The following SEPTIN9 variants were observed in gnomAD, a reference collection of about 807,000 sequenced individuals.
The protein encoded by SEPTIN9 is septin-9.
A neutral mutation model predicts 56.6 loss-of-function variants in SEPTIN9; 13 were observed. The observed-to-expected ratio is 0.23, with a 90% confidence interval of 0.15 to 0.37. SEPTIN9 has a LOEUF of 0.37. SEPTIN9 is among the 10% of genes least tolerant of loss of function. The pLI, the probability that SEPTIN9 is intolerant of heterozygous loss-of-function variation, is 1.00. For synonymous variants in SEPTIN9, 332 were observed against 334.1 expected (o/e 0.99, Z 0.07); for missense variants, 650 against 823.1 (o/e 0.79, Z 2.57).
At position 77,319,872 on chromosome 17, in the gene SEPTIN9, G is replaced by T. The variant is rs758171775; in HGVS notation, c.76+12675G>T. On this transcript the variant is annotated intron_variant, in intron 2 of 11. Coordinates refer to ENST00000427177, the MANE Select transcript of SEPTIN9 (RefSeq NM_001113491.2). This position sits in a 1 kb window ranked among gnomAD's most constrained non-coding sequence, Gnocchi z 5.3. ...ATATTAAAAAGGAGCAGCAAGCCTC[G>T]GGGCGGCGGGGGCTGGAGGAGGTGG... is the stretch of plus-strand genomic sequence containing the variant. 1.7e-5 allele frequency: 19 copies of T among 1,094,718 alleles called. No homozygotes were observed. The highest frequency in any genetic ancestry group is 2.1e-5 in the Non-Finnish European group (19 of 897,272). The allele number at this position is 1,094,718 out of a possible 1,614,324, so 67.8% of individuals were successfully genotyped here.
At chr17:77,353,813 A>C (rs2034135896) in intron 2 of SEPTIN9, among the ~76,000 whole-genome samples, 1 of 152,176 alleles carries the variant, frequency 6.6e-6, no homozygotes, top group Non-Finnish European at 1.5e-5. Context: ...ATCTTAATGA[A>C]ACACTGTGTC....
intron 1 of SEPTIN9, among the ~76,000 whole-genome samples, chr17:77,303,608 G>A (rs1193023024): frequency 6.6e-6 from 1 of 151,802 alleles, no homozygotes; most frequent in Non-Finnish European, 1.5e-5. Context: ...AGCTACTTGG[G>A]AGGCGGAGGT....
In SEPTIN9 at chr17:77,421,081, G is replaced by C. The variant is rs946010593; in HGVS notation, c.721+18378G>C. Among the ~76,000 whole-genome samples the C allele has an allele frequency of 6.6e-6, 1 of 152,202 alleles. No homozygotes were observed. Among genetic ancestry groups the C allele is most frequent in the South Asian group, 2.1e-4 (1 of 4,828 alleles). ...GTCGGGGTAGGGGTGGAGCTCTGCC[G>C]TCGCTGACTCCCGGGCTACCTGGAG... On this transcript the variant is annotated intron_variant, in intron 3 of 11. Coordinates refer to ENST00000427177, the MANE Select transcript of SEPTIN9 (RefSeq NM_001113491.2). The surrounding 1 kb of genome is among the most constrained non-coding windows in gnomAD (Gnocchi z 4.6).
chr17:77,281,679 T>G, intron 1 of SEPTIN9, 125 bp downstream of exon 1: 2 of 946,842 alleles, frequency 2.1e-6, no homozygotes, highest in East Asian at 3.1e-5. Context: ...GCGGGCACAC[T>G]GCAGGTCGAG....
At chr17:77,392,431 G>T (rs2144041853) in intron 2 of SEPTIN9, among the ~76,000 whole-genome samples, 1 of 152,342 alleles carries the variant, frequency 6.6e-6, no homozygotes, top group Middle Eastern at 3.4e-3. Flanking sequence ...GGGGTTAGTG[G>T]AAATGGTTCT....
At position 77,459,691 on chromosome 17, in the gene SEPTIN9, C is replaced by T. The variant is rs118111461; in HGVS notation, c.722-22453C>T. On this transcript the variant is annotated intron_variant, in intron 3 of 11. Transcript: ENST00000427177. ...AAGGGGGAGCTGGCACGTCACATGG[C>T]GAGAGAGAGAACTCCCAGACTCTTT... Among the ~76,000 whole-genome samples the T allele has an allele frequency of 3.5e-3, 523 of 151,242 alleles. 7 individuals are homozygous for T. The highest frequency in any genetic ancestry group is 0.017 in the East Asian group (88 of 5,166).
At chr17:77,497,283 G>A (rs563516707) in intron 10 of SEPTIN9, 32 bp from the exon 11 acceptor site, 1 of 1,607,072 alleles carries the variant, frequency 6.2e-7, no homozygotes, top group African/African-American at 1.3e-5. Flanking sequence ...TCTCCACTGG[G>A]ACATTAAAGC....
In SEPTIN9 at chr17:77,405,200, A is replaced by G. The variant is rs1032226079; in HGVS notation, c.721+2497A>G. The G allele has an allele frequency of 2.2e-5, 31 of 1,432,182 alleles. No homozygotes were observed. The highest frequency in any genetic ancestry group is 2.7e-5 in the Non-Finnish European group (28 of 1,056,064). 88.7% of individuals were successfully genotyped at this position (1,432,182 alleles called of 1,614,324 possible). A position where few individuals can be genotyped will look rare whatever the true frequency, so the allele number is the denominator to read the frequency against. On this transcript the variant is annotated intron_variant, in intron 3 of 11. Coordinates refer to ENST00000427177, the MANE Select transcript of SEPTIN9 (RefSeq NM_001113491.2). This position sits in a 1 kb window ranked among gnomAD's most constrained non-coding sequence, Gnocchi z 5.8. ...TCTCCTCCAGGGGCAGACACAGTTT[A>G]GCCCCTAAATTGTGCCAGAGACTGT...
intron 2 of SEPTIN9, among the ~76,000 whole-genome samples, chr17:77,379,801 C>G (rs900006471): frequency 6.6e-6 from 1 of 152,082 alleles, no homozygotes; most frequent in Non-Finnish European, 1.5e-5. Flanking sequence ...CCTCCCCCGA[C>G]TTTTTCTTTT....
At position 77,499,437 on chromosome 17, in the gene SEPTIN9, G is replaced by A. The variant is rs777916912; in HGVS notation, c.*779G>A. The A allele has an allele frequency of 3.7e-6, 2 of 536,502 alleles. No homozygotes were observed. Among genetic ancestry groups the A allele is most frequent in the Admixed American group, 4.4e-5 (2 of 44,960 alleles). The allele number at this position is 536,502 out of a possible 1,614,324, so 33.2% of individuals were successfully genotyped here. ...TGCTGATGCGCTGGGATCTGATTGA[G>A]GATAAAAAGGAAGGAGAGATGACCC... On this transcript the variant is annotated 3_prime_UTR_variant, in exon 12 of 12. Coordinates refer to ENST00000427177, the MANE Select transcript of SEPTIN9 (RefSeq NM_001113491.2).
intron 2 of SEPTIN9, among the ~76,000 whole-genome samples, chr17:77,345,623 A>G (rs2033867018): frequency 6.6e-6 from 1 of 152,192 alleles, no homozygotes; most frequent in African/African-American, 2.4e-5. Flanking sequence ...CCATTGGGCT[A>G]GAGCTGGGGT....
chr17:77,480,767 G>A (rs577077927), intron 3 of SEPTIN9, among the ~76,000 whole-genome samples: 186 of 152,310 alleles, frequency 1.2e-3, no homozygotes, highest in Middle Eastern at 3.4e-3. Context: ...GCCTGGGAGC[G>A]TGCCGTGTGG....
In SEPTIN9 at chr17:77,429,239, G is replaced by A. The variant is rs956773599; in HGVS notation, c.721+26536G>A. The A allele has an allele frequency of 1.9e-5, 9 of 471,044 alleles. 1 individual carries two copies. Among genetic ancestry groups the A allele is most frequent in the Middle Eastern group, 6.4e-4 (2 of 3,106 alleles). 29.2% of individuals were successfully genotyped at this position (471,044 alleles called of 1,614,324 possible). A position where few individuals can be genotyped will look rare whatever the true frequency, so the allele number is the denominator to read the frequency against. ...TGAGGAGGAAATTGCAGGTGGAGAA[G>A]CTCGTTGACCGTGACCTTGATCTGA... On this transcript the variant is annotated intron_variant, in intron 3 of 11. Coordinates refer to ENST00000427177, the MANE Select transcript of SEPTIN9 (RefSeq NM_001113491.2). This position sits in a 1 kb window ranked among gnomAD's most constrained non-coding sequence, Gnocchi z 5.2.
intron 3 of SEPTIN9, among the ~76,000 whole-genome samples, chr17:77,426,352 G>C (rs974451294): frequency 4.6e-5 from 7 of 152,222 alleles, no homozygotes; most frequent in Admixed American, 3.9e-4. Context: ...CGAGCCCCCG[G>C]AGGCATGCAG....
intron 2 of SEPTIN9, among the ~76,000 whole-genome samples, chr17:77,357,595 C>T (rs2034294482): frequency 6.6e-6 from 1 of 151,972 alleles, no homozygotes. Context: ...TCAGAAATTC[C>T]CTCCCTTCCC....
At chr17:77,410,371 A>G (rs16970057) in intron 3 of SEPTIN9, among the ~76,000 whole-genome samples, 6,298 of 152,240 alleles carry the variant, frequency 0.041, 383 homozygotes, top group African/African-American at 0.13. Context: ...TACCATCAGC[A>G]CACCTGGGTC....
At chr17:77,390,761 G>C (rs1598298183) in intron 2 of SEPTIN9, among the ~76,000 whole-genome samples, 1 of 152,212 alleles carries the variant, frequency 6.6e-6, no homozygotes, top group Non-Finnish European at 1.5e-5. Context: ...ACACGTTTCT[G>C]TTCTTGAACA....
chr17:77,355,887 CAGG>C (rs1351085865), intron 2 of SEPTIN9, among the ~76,000 whole-genome samples: 1 of 149,760 alleles, frequency 6.7e-6, no homozygotes, highest in African/African-American at 2.5e-5. Context: ...GAGGCTGAGG[CAGG>C]AGAATGGCGT....
At position 77,405,224 on chromosome 17, in the gene SEPTIN9, G is replaced by A; in HGVS notation, c.721+2521G>A. The stretch of plus-strand genomic sequence containing the variant: ...TAGCCCCTAAATTGTGCCAGAGACT[G>A]TGCCGGGAGCCAGGCCCAGGGACAC... On this transcript the variant is annotated intron_variant, in intron 3 of 11. Transcript: ENST00000427177. This position sits in a 1 kb window ranked among gnomAD's most constrained non-coding sequence, Gnocchi z 5.8. 1 of 1,273,606 alleles carries A rather than the reference G, an allele frequency of 7.9e-7. No homozygotes were observed. Among genetic ancestry groups the A allele is most frequent in the Non-Finnish European group, 1.1e-6 (1 of 923,536 alleles). The allele number at this position is 1,273,606 out of a possible 1,614,324, so 78.9% of individuals were successfully genotyped here. A position where few individuals can be genotyped will look rare whatever the true frequency, so the allele number is the denominator to read the frequency against.
Sources: gnomAD v4.1 joint callset for allele counts (sites outside exome capture counted in the v4.1 genomes callset) on GRCh38, gnomAD v4.1.1 for gene constraint, Gnocchi (gnomAD v3.1) non-coding constraint, MANE v1.5 for transcripts, NCBI Gene and HGNC (gene_info 2026-07-23, HGNC 2026-07-21) for gene names.